AGMO: variants seen among roughly 807,000 people sequenced by gnomAD.
The protein encoded by AGMO is glyceryl-ether monooxygenase.
Under a neutral mutation model 60.2 loss-of-function variants are expected in AGMO, and 75 were observed. The ratio of observed to expected loss-of-function variants is 1.25; its 90% CI spans 1.03 to 1.51. The LOEUF (loss-of-function observed/expected upper bound fraction) is 1.51. Among genes scored for constraint, AGMO ranks in the 40% most tolerant of loss-of-function variants. The pLI, the probability that AGMO is intolerant of heterozygous loss-of-function variation, is 0.00. For synonymous variants in AGMO, 261 were observed against 177.1 expected, an observed-to-expected ratio of 1.47 and a Z score of -3.76; for missense variants, 763 against 525.5, an observed-to-expected ratio of 1.45 and a Z score of -4.42.
chr7:15,523,620 G>C (rs1435191227), intron 3 of AGMO, among the ~76,000 whole-genome samples: 1 of 152,102 alleles, frequency 6.6e-6, no homozygotes, highest in African/African-American at 2.4e-5. Flanking sequence ...TTCATAAGTA[G>C]GAGTCGAACA....
At chr7:15,357,543 G>A (rs1205299912) in intron 12 of AGMO, among the ~76,000 whole-genome samples, 4 of 152,160 alleles carry the variant, frequency 2.6e-5, no homozygotes, top group Non-Finnish European at 5.9e-5. Flanking sequence ...TTTTCGGCTG[G>A]TCTGATAATT....
chr7:15,184,540 T>A, the AGMO span, among the ~76,000 whole-genome samples: 1,191 of 17,136 alleles, frequency 0.07, no homozygotes, highest in Admixed American at 0.086. Context: ...GGAAGGGAGG[T>A]AAAAAGGAAG....
intron 12 of AGMO, among the ~76,000 whole-genome samples, chr7:15,298,677 C>T (rs932640974): frequency 2.6e-5 from 4 of 152,142 alleles, no homozygotes; most frequent in African/African-American, 4.8e-5. Flanking sequence ...GCTGGAATTA[C>T]AGGGATGAGC....
intron 3 of AGMO, among the ~76,000 whole-genome samples, chr7:15,496,354 C>A (rs1459786490): frequency 6.6e-6 from 1 of 152,092 alleles, no homozygotes; most frequent in Non-Finnish European, 1.5e-5. Context: ...CAATGTTATA[C>A]CTCAACAAAA....
intron 12 of AGMO, among the ~76,000 whole-genome samples, chr7:15,305,994 A>C (rs1039221421): frequency 2.6e-5 from 4 of 152,048 alleles, no homozygotes; most frequent in Admixed American, 2.0e-4. Flanking sequence ...GGTAATTCAT[A>C]AATTCTAAAC....
intron 12 of AGMO, among the ~76,000 whole-genome samples, chr7:15,295,871 CTGAA>C (rs1784391177): frequency 6.6e-6 from 1 of 152,076 alleles, no homozygotes; most frequent in African/African-American, 2.4e-5. Context: ...ATTGGGAAGA[CTGAA>C]TGTCCACCAA....
chr7:15,326,855 T>C (rs1583411958), intron 12 of AGMO, among the ~76,000 whole-genome samples: 1 of 152,166 alleles, frequency 6.6e-6, no homozygotes, highest in South Asian at 2.1e-4. Context: ...CCCTCTGCCA[T>C]TAATAATTAA....
At chr7:15,493,365 CT>C (rs71004387) in intron 3 of AGMO, among the ~76,000 whole-genome samples, 39,829 of 66,496 alleles carry the variant, frequency 0.6, 13,422 homozygotes, top group Non-Finnish European at 0.63. Context: ...ACACACACTT[CT>C]TTTTTTTTTT....
chr7:15,146,861 G>C, the AGMO span, among the ~76,000 whole-genome samples: 1 of 152,276 alleles, frequency 6.6e-6, no homozygotes, highest in Middle Eastern at 3.4e-3. Context: ...ATAAAAAGTA[G>C]CTAACACTAT....
chr7:15,385,372 T>C, intron 10 of AGMO, 74 bp downstream of exon 10: 2 of 1,011,762 alleles, frequency 2.0e-6, no homozygotes, highest in Non-Finnish European at 1.5e-6. Context: ...AGCCTTAATA[T>C]GGGGAGCTTA....
intron 10 of AGMO, among the ~76,000 whole-genome samples, chr7:15,374,642 C>T (rs1326188874): frequency 4.6e-5 from 7 of 151,908 alleles, no homozygotes; most frequent in African/African-American, 1.7e-4. Context: ...TCACAGGGCA[C>T]AAGGCAAAAA....
chr7:15,317,956 ATATATATATATACACACACACG>A (rs1780988747), intron 12 of AGMO, among the ~76,000 whole-genome samples: 3 of 63,986 alleles, frequency 4.7e-5, no homozygotes, highest in Admixed American at 2.4e-4. Context: ...CACACACACT[ATATATATATATACACACACACG>A]TATATATATA....
intron 2 of AGMO, among the ~76,000 whole-genome samples, chr7:15,551,285 C>A (rs1011013598): frequency 1.3e-5 from 2 of 152,028 alleles, no homozygotes; most frequent in African/African-American, 4.8e-5. Flanking sequence ...TCTCACCACT[C>A]CTATTCAACA....
intron 12 of AGMO, among the ~76,000 whole-genome samples, chr7:15,262,561 T>C (rs908693382): frequency 3.3e-5 from 5 of 151,862 alleles, no homozygotes; most frequent in South Asian, 2.1e-4. Flanking sequence ...ACAAACTGAA[T>C]GCAATTTCCA....
intron 3 of AGMO, among the ~76,000 whole-genome samples, chr7:15,443,012 C>T (rs748473673): frequency 2.0e-5 from 3 of 152,194 alleles, no homozygotes; most frequent in Non-Finnish European, 4.4e-5. Flanking sequence ...GGCCCCATTC[C>T]AGGGAAAACC....
rs184080765 is a variant in AGMO at position 15,527,368 on chromosome 7, A to C, written c.409+17404T>G. On this transcript the variant is annotated intron_variant, in intron 3 of 12. Coordinates refer to ENST00000342526, the MANE Select transcript of AGMO (RefSeq NM_001004320.2). ...GTTTTAGTGTTCTGGATAGAAGATCAAACTAGCCACAATTTCCTTTGGGCC... is the reference window on the plus strand; with the variant it reads ...GTTTTAGTGTTCTGGATAGAAGATCCAACTAGCCACAATTTCCTTTGGGCC... Among the ~76,000 whole-genome samples the C allele has an allele frequency of 2.6e-4, 40 of 152,326 alleles. No homozygotes were observed. The East Asian group carries it at 7.0e-3, about 26-fold the overall frequency.
intron 4 of AGMO, among the ~76,000 whole-genome samples, chr7:15,427,999 T>TCAATGTGAAATGAGCTTAATTTCACATTA (rs1781118523): frequency 4.6e-5 from 7 of 152,236 alleles, no homozygotes; most frequent in Admixed American, 4.6e-4. Flanking sequence ...ATTTCACATT[T>TCAATGTGAAATGAGCTTAATTTCACATTA]CAATGTGAAA....
chr7:15,241,383 C>T (rs1782581245), intron 12 of AGMO, among the ~76,000 whole-genome samples: 1 of 143,742 alleles, frequency 7.0e-6, no homozygotes, highest in Non-Finnish European at 1.5e-5. Context: ...TGGCATGAAC[C>T]CAAGAGGCGG....
At chr7:15,223,535 G>A (rs914924042) in intron 12 of AGMO, among the ~76,000 whole-genome samples, 1 of 151,910 alleles carries the variant, frequency 6.6e-6, no homozygotes, top group African/African-American at 2.4e-5. Context: ...CACATTTATA[G>A]AATATTAAAT....
Sources: allele counts gnomAD v4.1 joint callset (sites outside exome capture counted in the v4.1 genomes callset), GRCh38; gene constraint gnomAD v4.1.1; transcripts MANE v1.5; gene names NCBI Gene and HGNC (gene_info 2026-07-23, HGNC 2026-07-21).